Variants in SLC16A1 observed in about 807,000 individuals in gnomAD.
SLC16A1 encodes the protein solute carrier family 16 member 1.
Under a neutral mutation model 32.2 loss-of-function variants are expected in SLC16A1, and 11 were observed. The ratio of observed to expected loss-of-function variants is 0.34; its 90% confidence interval spans 0.21 to 0.56. SLC16A1 has a LOEUF of 0.56. Ranked by LOEUF, SLC16A1 falls within the 20% of genes least tolerant of loss-of-function variation. The probability of loss-of-function intolerance (pLI) is 0.87; values close to 1 mark genes in which losing one functional copy is unlikely to be tolerated. For missense variants in SLC16A1, 435 were observed against 615.0 expected, an observed-to-expected ratio of 0.71 and a Z score of 3.10; for synonymous variants, 231 against 226.8, an observed-to-expected ratio of 1.02 and a Z score of -0.17.
At chr1:112,920,614 AAAAC>A (rs1443355365) in intron 3 of SLC16A1, among the ~76,000 whole-genome samples, 1 of 137,658 alleles carries the variant, frequency 7.3e-6, no homozygotes, top group African/African-American at 3.6e-5. Context: ...TCAAAAAAAC[AAAAC>A]AAAACAAAAG....
chr1:112,941,641 G>C (rs1649517471), intron 1 of SLC16A1, among the ~76,000 whole-genome samples: 1 of 152,132 alleles, frequency 6.6e-6, no homozygotes, highest in Non-Finnish European at 1.5e-5. Flanking sequence ...CTCCAAACCA[G>C]AAATTTGTCC....
In SLC16A1 at chr1:112,913,674, ACTT is replaced by A. The variant is rs1460808194; in HGVS notation, c.*214_*216del. On this transcript the variant is annotated 3_prime_UTR_variant, in exon 5 of 5. Transcript: ENST00000369626. ...ATTAAAACAAAACAAAACAGAACCT[ACTT>A]CTTTCCCCCATCCTTTGCTACCAAT... The A allele has an allele frequency of 1.7e-6, 1 of 601,810 alleles. No homozygotes were observed. The highest frequency in any genetic ancestry group is 2.8e-5 in the East Asian group (1 of 35,374). The allele number at this position is 601,810 out of a possible 1,614,324, so 37.3% of individuals were successfully genotyped here. A position where few individuals can be genotyped will look rare whatever the true frequency, so the allele number is the denominator to read the frequency against.
intron 2 of SLC16A1, chr1:112,923,493 C>A: frequency 1.1e-6 from 1 of 895,426 alleles, no homozygotes. Flanking sequence ...CTTCCTGGAG[C>A]ACGGCCACAC....
At chr1:112,920,306 C>A (rs1648675026) in intron 3 of SLC16A1, among the ~76,000 whole-genome samples, 1 of 152,084 alleles carries the variant, frequency 6.6e-6, no homozygotes, top group Non-Finnish European at 1.5e-5. Flanking sequence ...AACCCCGTCT[C>A]TATTAAAAAC....
intron 1 of SLC16A1, among the ~76,000 whole-genome samples, chr1:112,940,133 G>T (rs1212358697): frequency 2.0e-5 from 3 of 149,992 alleles, no homozygotes; most frequent in Non-Finnish European, 4.4e-5. Flanking sequence ...TAGCTCCTGG[G>T]CTCAAGTGAT....
chr1:112,939,862 C>T (rs1392085197), intron 1 of SLC16A1, among the ~76,000 whole-genome samples: 1 of 151,952 alleles, frequency 6.6e-6, no homozygotes, highest in Non-Finnish European at 1.5e-5. Context: ...TAAACAAAAA[C>T]TCAGCCTCAT....
Position 112,913,829 on chromosome 1 carries a change from G to T in SLC16A1, c.*62C>A. 6.3e-7 allele frequency: 1 copy of T among 1,587,088 alleles called. No homozygotes were observed. Among genetic ancestry groups the T allele is most frequent in the Non-Finnish European group, 8.7e-7 (1 of 1,156,032 alleles). On this transcript the variant is annotated 3_prime_UTR_variant, in exon 5 of 5. Coordinates refer to ENST00000369626, the MANE Select transcript of SLC16A1 (RefSeq NM_003051.4). ...AGCACCACTGGTAGATTACAGGCCA[G>T]TAGAATATTTTCAGATATCCTGGGT...
intron 1 of SLC16A1, among the ~76,000 whole-genome samples, chr1:112,944,465 C>A (rs945582042): frequency 6.6e-6 from 1 of 151,916 alleles, no homozygotes; most frequent in Non-Finnish European, 1.5e-5. Context: ...CAAAGCCCCA[C>A]AAAGTAGTAG....
chr1:112,921,878 G>A (rs1194391407), intron 3 of SLC16A1, 112 bp downstream of exon 3: 27 of 1,293,774 alleles, frequency 2.1e-5, no homozygotes, highest in Non-Finnish European at 2.8e-5. Flanking sequence ...TGATAATCAA[G>A]TCATTTCTAT....
chr1:112,950,129 T>C lies in SLC16A1; in HGVS notation c.-45+5906A>G, dbSNP rs537179497. 4.0e-5 allele frequency among the ~76,000 whole-genome samples: 6 copies of C among 151,772 alleles called. No individual in the cohort carries two copies. In the East Asian group the frequency reaches 1.2e-3, roughly 29 times the overall value. ...TGAATGAAATTCCAAGTTTTAGTTA[T>C]AGGTTAATGAAAAGATATAATATTT... On this transcript the variant is annotated intron_variant, in intron 1 of 4. Transcript: ENST00000369626.
intron 1 of SLC16A1, among the ~76,000 whole-genome samples, chr1:112,952,245 CT>C (rs569612450): frequency 5.2e-4 from 79 of 152,304 alleles, no homozygotes; most frequent in South Asian, 1.2e-3. Flanking sequence ...GAAAAATGGC[CT>C]GGTTCCTTCA....
At chr1:112,942,448 G>A (rs1314500102) in intron 1 of SLC16A1, among the ~76,000 whole-genome samples, 1 of 152,334 alleles carries the variant, frequency 6.6e-6, no homozygotes, top group Middle Eastern at 3.4e-3. Context: ...GAAATTTCCA[G>A]AGAATGGGAT....
intron 2 of SLC16A1, among the ~76,000 whole-genome samples, chr1:112,927,623 G>T (rs1276726576): frequency 6.6e-6 from 1 of 152,146 alleles, no homozygotes; most frequent in East Asian, 1.9e-4. Context: ...GGAAGGATAG[G>T]CCTAATTAGC....
At chr1:112,931,049 T>C (rs990612189) in intron 1 of SLC16A1, among the ~76,000 whole-genome samples, 2 of 152,186 alleles carry the variant, frequency 1.3e-5, no homozygotes, top group Non-Finnish European at 2.9e-5. Context: ...ATAGCCTTTA[T>C]AAGTTTTTTA....
Position 112,913,784 on chromosome 1 carries a change from A to G in SLC16A1, c.*107T>C, listed in dbSNP as rs1648403862. 2.2e-6 allele frequency: 3 copies of G among 1,351,270 alleles called. No individual in the cohort carries two copies. The highest frequency in any genetic ancestry group is 2.1e-6 in the Non-Finnish European group (2 of 947,108). 83.7% of individuals were successfully genotyped at this position (1,351,270 alleles called of 1,614,324 possible). A position where few individuals can be genotyped will look rare whatever the true frequency, so the allele number is the denominator to read the frequency against. Reference sequence around the variant, plus strand: ...GAACAACTGGTATGATTTCCACACAAATGTCTACTATTTGCATTGAGCACC... The same window carrying G: ...GAACAACTGGTATGATTTCCACACAGATGTCTACTATTTGCATTGAGCACC... On this transcript the variant is annotated 3_prime_UTR_variant, in exon 5 of 5. Coordinates refer to ENST00000369626, the MANE Select transcript of SLC16A1 (RefSeq NM_003051.4).
chr1:112,943,510 G>T (rs967228295), intron 1 of SLC16A1, among the ~76,000 whole-genome samples: 10 of 152,138 alleles, frequency 6.6e-5, no homozygotes, highest in African/African-American at 2.2e-4. Flanking sequence ...CAAACCGGCT[G>T]GGCGCAGTGG....
chr1:112,921,490 G>A (rs559685805), intron 3 of SLC16A1, among the ~76,000 whole-genome samples: 1 of 152,168 alleles, frequency 6.6e-6, no homozygotes, highest in Admixed American at 6.5e-5. Context: ...GTGTATCTGT[G>A]CATAGAAAAA....
At chr1:112,943,645 G>A (rs902890295) in intron 1 of SLC16A1, among the ~76,000 whole-genome samples, 4 of 151,820 alleles carry the variant, frequency 2.6e-5, no homozygotes, top group African/African-American at 7.3e-5. Context: ...AAAATTAGCC[G>A]GGCATGGTGG....
Position 112,917,887 on chromosome 1 carries a change from TCCAAAGATA to T in SLC16A1, c.510_518del (p.Ile171_Gly173del). 6.2e-7 allele frequency: 1 copy of T among 1,609,732 alleles called. No individual in the cohort carries two copies. Among genetic ancestry groups the T allele is most frequent in the Non-Finnish European group, 8.5e-7 (1 of 1,178,112 alleles). On this transcript the variant is annotated inframe_deletion, in exon 4 of 5. Coordinates refer to ENST00000369626, the MANE Select transcript of SLC16A1 (RefSeq NM_003051.4). This position sits in a 1 kb window ranked among gnomAD's most constrained non-coding sequence, Gnocchi z 4.1. The stretch of plus-strand genomic sequence containing the variant: ...CAAGAATTAGAAAGCTTCCTCTCCA[TCCAAAGATA>T]CCGAAGAAAACCTGATTGAGGGGGG...
Sources: gnomAD v4.1 joint callset for allele counts (sites outside exome capture counted in the v4.1 genomes callset) on GRCh38, gnomAD v4.1.1 for gene constraint, Gnocchi (gnomAD v3.1) non-coding constraint, MANE v1.5 for transcripts, NCBI Gene and HGNC (gene_info 2026-07-23, HGNC 2026-07-21) for gene names.